Variants in PTTG1IP observed in about 807,000 individuals in gnomAD.
The protein encoded by PTTG1IP is pituitary tumor-transforming gene 1 protein-interacting protein.
In PTTG1IP, 16 loss-of-function variants were observed where a neutral mutation model predicts 24.4. The observed-to-expected ratio is 0.66, with a 90% CI of 0.44 to 1.00. The LOEUF is 1.00. Among genes scored for constraint, PTTG1IP ranks in the 50% least tolerant of loss-of-function variants. The pLI, the probability that PTTG1IP is intolerant of heterozygous loss-of-function variation, is 0.00. For missense variants in PTTG1IP, 241 were observed against 245.8 expected (o/e 0.98, Z 0.13); for synonymous variants, 89 against 96.8 (o/e 0.92, Z 0.47).
chr21:44,864,698 T>C (rs1409557400), intron 2 of PTTG1IP, among the ~76,000 whole-genome samples: 3 of 152,200 alleles, frequency 2.0e-5, no homozygotes, highest in Non-Finnish European at 4.4e-5. Flanking sequence ...CACCCAGCCC[T>C]GTTCACACGT....
rs2083510435 is a variant in PTTG1IP, at chr21:44,863,455, C to G, written c.168+1940G>C. ...CTACTGTAGGGCAAGCGGCCCTCTTCACCGCCCTGTCTGGGTTCAGAACTG... is the reference window on the plus strand; with the variant it reads ...CTACTGTAGGGCAAGCGGCCCTCTTGACCGCCCTGTCTGGGTTCAGAACTG... On this transcript the variant is annotated intron_variant, in intron 2 of 5. Coordinates refer to ENST00000330938, the MANE Select transcript of PTTG1IP (RefSeq NM_004339.4). Among the ~76,000 whole-genome samples the G allele has an allele frequency of 2.0e-5, 3 of 152,228 alleles. No individual in the cohort carries two copies. In the East Asian group the frequency reaches 5.8e-4, roughly 29 times the overall value.
chr21:44,859,298 G>A (rs1243803186), intron 3 of PTTG1IP, among the ~76,000 whole-genome samples: 3 of 152,350 alleles, frequency 2.0e-5, no homozygotes, highest in South Asian at 2.1e-4. Flanking sequence ...GACAGGAATT[G>A]GGCCTTCTGA....
At position 44,861,768 on chromosome 21, in the gene PTTG1IP, C is replaced by T. The variant is rs575763451; in HGVS notation, c.169-497G>A. ...CTTCCGTAGACCTCTCCTCCCCACACGCCGGGCACCTGTGCACTTCACTGG... is the reference window on the plus strand; with the variant it reads ...CTTCCGTAGACCTCTCCTCCCCACATGCCGGGCACCTGTGCACTTCACTGG... On this transcript the variant is annotated intron_variant, in intron 2 of 5. Transcript: ENST00000330938. 29 of 717,588 alleles carry T rather than the reference C, an allele frequency of 4.0e-5. No individual in the cohort carries two copies. In the African/African-American group the frequency reaches 4.4e-4, roughly 11 times the overall value. The allele number at this position is 717,588 out of a possible 1,614,324, so 44.5% of individuals were successfully genotyped here.
chr21:44,866,704 CAA>C (rs943430178), intron 1 of PTTG1IP, among the ~76,000 whole-genome samples: 2 of 151,642 alleles, frequency 1.3e-5, no homozygotes, highest in Non-Finnish European at 2.9e-5. Context: ...CACACACACA[CAA>C]ACACAGTGCA....
Position 44,851,212 on chromosome 21 carries a change from G to A in PTTG1IP, c.*369C>T. ...CCTGTGTTGCGTGTGAAGCTTGTTA[G>A]TGGACAGAGAGAAACGCAGGGTTCT... On this transcript the variant is annotated 3_prime_UTR_variant, in exon 6 of 6. Transcript: ENST00000330938. 2 of 961,872 alleles carry A rather than the reference G, an allele frequency of 2.1e-6. No homozygotes were observed. Among genetic ancestry groups the A allele is most frequent in the South Asian group, 1.8e-5 (1 of 54,314 alleles). 59.6% of individuals were successfully genotyped at this position (961,872 alleles called of 1,614,324 possible). A position where few individuals can be genotyped will look rare whatever the true frequency, so the allele number is the denominator to read the frequency against.
intron 1 of PTTG1IP, among the ~76,000 whole-genome samples, chr21:44,873,233 G>A (rs577523215): frequency 2.0e-5 from 3 of 152,250 alleles, no homozygotes; most frequent in Admixed American, 6.5e-5. Flanking sequence ...CCGAGGCCAC[G>A]CGCGAGGAGC....
intron 1 of PTTG1IP, among the ~76,000 whole-genome samples, chr21:44,869,087 C>T (rs894879239): frequency 1.3e-5 from 2 of 152,230 alleles, no homozygotes; most frequent in Non-Finnish European, 2.9e-5. Flanking sequence ...AGGAAACACC[C>T]GGTAAGACCC....
At position 44,856,263 on chromosome 21, in the gene PTTG1IP, G is replaced by T. The variant is rs147066771; in HGVS notation, c.379C>A (p.Arg127=). The change falls in exon 4 of 6, where the codon CGG becomes AGG. Residue 127 remains arginine, a synonymous_variant. Coordinates refer to ENST00000330938, the MANE Select transcript of PTTG1IP (RefSeq NM_004339.4). ...TTCTCCTCACTCCTGTCCGGCTTCC[G>T]GCTCCTCTTCCTCCTGCAGCAGCAG... ...CCCCCRRKRS[R]KPDRSEEKAM... The T allele has an allele frequency of 2.6e-5, 42 of 1,613,890 alleles. No individual in the cohort carries two copies. Among genetic ancestry groups the T allele is most frequent in the Non-Finnish European group, 3.3e-5 (39 of 1,179,994 alleles).
rs34646417 is a variant in PTTG1IP, at chr21:44,866,680, A to AACACACAC, written c.116-1241_116-1234dup. 1.4e-3 allele frequency among the ~76,000 whole-genome samples: 197 copies of AACACACAC among 145,160 alleles called. 1 individual carries two copies. The highest frequency in any genetic ancestry group is 4.1e-3 in the African/African-American group (162 of 39,102). On this transcript the variant is annotated intron_variant, in intron 1 of 5. Transcript: ENST00000330938. ...CACAGACTGCCTACTCCAATCCCAT[A>AACACACAC]ACACACACACACACACACACACACA...
chr21:44,870,986 G>A (rs551812496), intron 1 of PTTG1IP, among the ~76,000 whole-genome samples: 42 of 152,346 alleles, frequency 2.8e-4, no homozygotes, highest in Admixed American at 2.6e-3. Flanking sequence ...GCAGGCCACA[G>A]GCTGCAGTCT....
Position 44,850,078 on chromosome 21 carries a change from T to C in PTTG1IP, c.*1503A>G, listed in dbSNP as rs994088217. ...TTATTCCCGGTACAGATGTACACAG[T>C]CAAAAAGGCTTATCGAGCTGTTTGA... On this transcript the variant is annotated 3_prime_UTR_variant, in exon 6 of 6. Transcript: ENST00000330938. 1.3e-5 allele frequency: 2 copies of C among 152,146 alleles called. No individual in the cohort carries two copies. The allele number at this position is 152,146 out of a possible 1,614,324, so 9.4% of individuals were successfully genotyped here.
chr21:44,859,253 C>T (rs147660608), intron 3 of PTTG1IP, among the ~76,000 whole-genome samples: 406 of 152,300 alleles, frequency 2.7e-3, no homozygotes, highest in Admixed American at 4.4e-3. Context: ...TCTGTGGTGA[C>T]GGGAAGTCCA....
At chr21:44,853,351 A>G (rs543524567) in intron 5 of PTTG1IP, among the ~76,000 whole-genome samples, 43 of 152,228 alleles carry the variant, frequency 2.8e-4, no homozygotes, top group African/African-American at 8.7e-4. Flanking sequence ...ACTAAAAAAT[A>G]CAAAAAATTA....
chr21:44,862,562 C>T (rs1232426875), intron 2 of PTTG1IP, among the ~76,000 whole-genome samples: 1 of 152,178 alleles, frequency 6.6e-6, no homozygotes, highest in Non-Finnish European at 1.5e-5. Context: ...GCACCTCATG[C>T]GCCAGCCCAA....
At position 44,855,213 on chromosome 21, in the gene PTTG1IP, AT is replaced by A; in HGVS notation, c.492del (p.Lys164AsnfsTer89). 6.2e-7 allele frequency: 1 copy of A among 1,610,290 alleles called. No individual in the cohort carries two copies. Among genetic ancestry groups the A allele is most frequent in the Non-Finnish European group, 8.5e-7 (1 of 1,176,758 alleles). On this transcript the variant is annotated frameshift_variant, in exon 5 of 6. Coordinates refer to ENST00000330938, the MANE Select transcript of PTTG1IP (RefSeq NM_004339.4). LOFTEE classifies it high-confidence loss of function. ...MKTRHDEIRKKYGLFKEENPY... is the reference protein window; with the variant it reads ...MKTRHDEIRKXYGLFKEENPY... ...AGGAGGCGTGACCAGTCCTTACCAT[AT>A]TTTTTTCTGATTTCATCATGTCTTG... is the stretch of plus-strand genomic sequence containing the variant.
At chr21:44,852,204 C>CA (rs751251503) in intron 5 of PTTG1IP, among the ~76,000 whole-genome samples, 12 of 150,354 alleles carry the variant, frequency 8.0e-5, no homozygotes, top group Non-Finnish European at 1.3e-4. Flanking sequence ...TTTTTTGAGA[C>CA]AGAGTTTTGC....
In PTTG1IP at chr21:44,850,816, C is replaced by T. The variant is rs1015963649; in HGVS notation, c.*765G>A. 6.5e-6 allele frequency: 1 copy of T among 152,854 alleles called. No individual in the cohort carries two copies. Among genetic ancestry groups the T allele is most frequent in the Non-Finnish European group, 1.5e-5 (1 of 68,490 alleles). 9.5% of individuals were successfully genotyped at this position (152,854 alleles called of 1,614,324 possible). On this transcript the variant is annotated 3_prime_UTR_variant, in exon 6 of 6. Coordinates refer to ENST00000330938, the MANE Select transcript of PTTG1IP (RefSeq NM_004339.4). The stretch of plus-strand genomic sequence containing the variant: ...TGGTGCTGCTGAGGCAGGCCAAACA[C>T]CACATTTATAATTCAAGCTTCCAAG...
chr21:44,865,288 C>T (rs1421201220), intron 2 of PTTG1IP, 107 bp downstream of exon 2: 1 of 1,168,826 alleles, frequency 8.6e-7, no homozygotes, highest in Non-Finnish European at 1.3e-6. Context: ...AAATCCCAAA[C>T]AACAGAGCCC....
At chr21:44,873,299 C>T (rs1318308243) in intron 1 of PTTG1IP, among the ~76,000 whole-genome samples, 1 of 152,292 alleles carries the variant, frequency 6.6e-6, no homozygotes, top group African/African-American at 2.4e-5. Context: ...TTCCCCTGCC[C>T]GCGCCCCAGC....
Sources: allele counts gnomAD v4.1 joint callset (sites outside exome capture counted in the v4.1 genomes callset), GRCh38; gene constraint gnomAD v4.1.1; transcripts MANE v1.5; gene names NCBI Gene and HGNC (gene_info 2026-07-23, HGNC 2026-07-21).